SMCO2: variants seen among roughly 807,000 people sequenced by gnomAD.
SMCO2 encodes single-pass membrane and coiled-coil domain-containing protein 2.
A neutral mutation model predicts 29.5 loss-of-function variants in SMCO2; 25 were observed. The ratio of observed to expected loss-of-function variants is 0.85; its 90% CI spans 0.62 to 1.18. SMCO2 has a LOEUF of 1.18. Among genes scored for constraint, SMCO2 ranks in the 50% most tolerant of loss-of-function variants. SMCO2 has a pLI of 0.00. For synonymous variants in SMCO2, 117 were observed against 123.3 expected, an observed-to-expected ratio of 0.95 and a Z score of 0.34; for missense variants, 348 against 344.5, an observed-to-expected ratio of 1.01 and a Z score of -0.08.
chr12:27,493,216 G>T (rs1450796763), intron 5 of SMCO2, among the ~76,000 whole-genome samples: 1 of 152,074 alleles, frequency 6.6e-6, no homozygotes, highest in East Asian at 1.9e-4. Context: ...AGGAGAAGGG[G>T]TAACTGTTGG....
At chr12:27,456,982 T>TA in the SMCO2 span, among the ~76,000 whole-genome samples, 2 of 152,344 alleles carry the variant, frequency 1.3e-5, no homozygotes, top group Admixed American at 1.3e-4. Context: ...TTGTACTCCT[T>TA]ATGAAAATCT....
chr12:27,443,672 C>A, the SMCO2 span, among the ~76,000 whole-genome samples: 2 of 152,098 alleles, frequency 1.3e-5, no homozygotes, highest in Non-Finnish European at 2.9e-5. Context: ...AGGTGCAGGA[C>A]ACAAAATCAA....
the SMCO2 span, among the ~76,000 whole-genome samples, chr12:27,459,397 C>A: frequency 3.3e-5 from 5 of 152,100 alleles, no homozygotes; most frequent in South Asian, 1.0e-3. Context: ...CACATGTTCT[C>A]ACTTACAAGT....
intron 1 of SMCO2, among the ~76,000 whole-genome samples, chr12:27,467,486 C>T (rs1195451696): frequency 1.3e-5 from 2 of 151,244 alleles, no homozygotes; most frequent in African/African-American, 4.9e-5. Flanking sequence ...AGTATCTGCA[C>T]TAGGTTGGAC....
At chr12:27,448,861 G>A in the SMCO2 span, among the ~76,000 whole-genome samples, 8 of 152,028 alleles carry the variant, frequency 5.3e-5, no homozygotes, top group East Asian at 1.9e-4. Context: ...TCAATCTCCC[G>A]CTCCCACACA....
the SMCO2 span, among the ~76,000 whole-genome samples, chr12:27,434,612 C>A: frequency 3.0e-4 from 46 of 152,064 alleles, 3 homozygotes; most frequent in Non-Finnish European, 1.5e-5. Flanking sequence ...AAGATCCATT[C>A]TTTTTTATCA....
rs1385802459 is a variant in SMCO2 at position 27,471,860 on chromosome 12, G to A, written c.135-916G>A. The stretch of plus-strand genomic sequence containing the variant: ...TGAAAATTGATTCAACCTCTTTAAA[G>A]CATACTTTGCTAAAAATCTATCAAA... On this transcript the variant is annotated intron_variant, in intron 2 of 7. Transcript: ENST00000298876. 3.9e-5 allele frequency among the ~76,000 whole-genome samples: 6 copies of A among 152,250 alleles called. No homozygotes were observed. The East Asian group carries it at 1.2e-3, about 29-fold the overall frequency.
At chr12:27,466,249 C>T (rs1565672530), upstream of SMCO2, among the ~76,000 whole-genome samples, 1 of 152,052 alleles carries the variant, frequency 6.6e-6, no homozygotes, top group Non-Finnish European at 1.5e-5. Context: ...TGGTGAAACT[C>T]TGTCTCTACT....
chr12:27,484,363 T>C (rs1374399865), intron 4 of SMCO2, among the ~76,000 whole-genome samples: 2 of 151,760 alleles, frequency 1.3e-5, no homozygotes, highest in African/African-American at 2.4e-5. Context: ...TGGGCAACAG[T>C]GCAAGACTCT....
At chr12:27,443,981 T>G in the SMCO2 span, among the ~76,000 whole-genome samples, 3 of 152,156 alleles carry the variant, frequency 2.0e-5, no homozygotes, top group South Asian at 2.1e-4. Flanking sequence ...ATCCTAAAAT[T>G]TATATGGAAC....
the SMCO2 span, among the ~76,000 whole-genome samples, chr12:27,431,971 TCC>T: frequency 6.6e-6 from 1 of 152,214 alleles, no homozygotes; most frequent in Non-Finnish European, 1.5e-5. Context: ...ATAGTAGCCA[TCC>T]TAATGGGTGT....
chr12:27,427,035 A>C, the SMCO2 span, among the ~76,000 whole-genome samples: 2 of 152,222 alleles, frequency 1.3e-5, no homozygotes, highest in African/African-American at 4.8e-5. Flanking sequence ...CCTGCTCTTA[A>C]GAGACTACAG....
At chr12:27,468,184 A>G (rs1949513213) in intron 1 of SMCO2, among the ~76,000 whole-genome samples, 1 of 148,826 alleles carries the variant, frequency 6.7e-6, no homozygotes, top group African/African-American at 2.6e-5. Flanking sequence ...ACTCAGCTTG[A>G]TTCTCCAAAG....
the SMCO2 span, among the ~76,000 whole-genome samples, chr12:27,427,750 G>A: frequency 6.6e-6 from 1 of 152,078 alleles, no homozygotes; most frequent in Non-Finnish European, 1.5e-5. Flanking sequence ...CACACAGCGG[G>A]CTCTTCTTGC....
chr12:27,468,329 A>G (rs575747583), intron 1 of SMCO2, among the ~76,000 whole-genome samples: 1 of 152,254 alleles, frequency 6.6e-6, no homozygotes, highest in Non-Finnish European at 1.5e-5. Context: ...TAGCCTTTCT[A>G]TGCCAAATGA....
chr12:27,498,780 C>T (rs1943042317), intron 7 of SMCO2, among the ~76,000 whole-genome samples: 1 of 150,368 alleles, frequency 6.7e-6, no homozygotes, highest in Admixed American at 6.6e-5. Flanking sequence ...CTTGGATACA[C>T]ATTTCTTCAA....
At chr12:27,495,561 T>G (rs895214070) in intron 6 of SMCO2, 119 bp from the exon 8 acceptor site, 29 of 873,430 alleles carry the variant, frequency 3.3e-5, no homozygotes, top group Non-Finnish European at 1.1e-5. Flanking sequence ...GGGACCTATG[T>G]GTGATTTCTA....
intron 7 of SMCO2, 86 bp downstream of exon 8, chr12:27,495,941 G>T: frequency 1.6e-6 from 2 of 1,235,490 alleles, no homozygotes; most frequent in Non-Finnish European, 1.0e-6. Context: ...TTCAAGTGTT[G>T]ACTAAAATGT....
chr12:27,501,322 A>T (rs1943072564), intron 7 of SMCO2, among the ~76,000 whole-genome samples: 3 of 143,654 alleles, frequency 2.1e-5, no homozygotes, highest in Middle Eastern at 3.2e-3. Flanking sequence ...AGGCTGAGGC[A>T]GGAGAATGAC....
Sources: allele counts gnomAD v4.1 joint callset (sites outside exome capture counted in the v4.1 genomes callset), GRCh38; gene constraint gnomAD v4.1.1; transcripts MANE v1.5; gene names NCBI Gene and HGNC (gene_info 2026-07-23, HGNC 2026-07-21).